FBXL17: variants seen among roughly 807,000 people sequenced by gnomAD.
FBXL17 encodes the protein F-box and leucine rich repeat protein 17.
FBXL17 carries 22 observed loss-of-function variants against 66.2 expected under a neutral mutation model. The observed-to-expected ratio is 0.33, with a 90% confidence interval of 0.24 to 0.47. The LOEUF (loss-of-function observed/expected upper bound fraction) is 0.47, where lower values mean the gene tolerates loss of function less well. FBXL17 is among the 20% of genes least tolerant of loss of function. The pLI is 1.00. For missense variants in FBXL17, 878 were observed against 948.2 expected (o/e 0.93, Z 0.97); for synonymous variants, 474 against 400.5 (o/e 1.18, Z -2.19).
At chr5:107,950,833 A>C (rs1009756133) in intron 7 of FBXL17, among the ~76,000 whole-genome samples, 4 of 152,246 alleles carry the variant, frequency 2.6e-5, no homozygotes, top group Middle Eastern at 3.2e-3. Flanking sequence ...GGACGTGATT[A>C]ATGTGTGACA....
chr5:108,270,532 TA>T (rs907789558), intron 4 of FBXL17, among the ~76,000 whole-genome samples: 8 of 149,808 alleles, frequency 5.3e-5, no homozygotes, highest in African/African-American at 1.9e-4. Flanking sequence ...ACTCTTAGGT[TA>T]ATAAAAAAAA....
At chr5:108,091,183 A>G (rs1749174978) in intron 6 of FBXL17, among the ~76,000 whole-genome samples, 1 of 152,246 alleles carries the variant, frequency 6.6e-6, no homozygotes, top group Non-Finnish European at 1.5e-5. Context: ...CAGCCTGAAC[A>G]AAATACAGAA....
chr5:108,036,717 C>T (rs1456962062), intron 6 of FBXL17, among the ~76,000 whole-genome samples: 3 of 152,146 alleles, frequency 2.0e-5, no homozygotes, highest in Non-Finnish European at 4.4e-5. Context: ...ATCACATAGC[C>T]ACTGGCAGCA....
At chr5:108,255,641 A>G (rs1399255070) in intron 4 of FBXL17, among the ~76,000 whole-genome samples, 4 of 152,120 alleles carry the variant, frequency 2.6e-5, no homozygotes, top group African/African-American at 9.7e-5. Flanking sequence ...CCATGACATG[A>G]TCTAGTTTCA....
At chr5:108,027,414 C>A (rs1754865565) in intron 6 of FBXL17, among the ~76,000 whole-genome samples, 1 of 152,142 alleles carries the variant, frequency 6.6e-6, no homozygotes, top group African/African-American at 2.4e-5. Flanking sequence ...CCATCCATTA[C>A]CATAACTAAC....
chr5:107,887,385 C>A (rs11958297), intron 7 of FBXL17, among the ~76,000 whole-genome samples: 1 of 152,198 alleles, frequency 6.6e-6, no homozygotes, highest in African/African-American at 2.4e-5. Context: ...GTCATACAAG[C>A]GCATTAACAA....
intron 6 of FBXL17, among the ~76,000 whole-genome samples, chr5:108,154,671 GTGTATA>G (rs1751920815): frequency 1.4e-5 from 2 of 137,982 alleles, no homozygotes; most frequent in Non-Finnish European, 3.1e-5. Context: ...ACATATATAT[GTGTATA>G]TATATACACA....
At chr5:108,166,542 A>G (rs1328873844) in intron 6 of FBXL17, among the ~76,000 whole-genome samples, 3 of 152,254 alleles carry the variant, frequency 2.0e-5, no homozygotes, top group East Asian at 1.9e-4. Flanking sequence ...TGTTAGTTGT[A>G]AGAAGCATTT....
At chr5:108,019,895 C>T (rs1293449915) in intron 7 of FBXL17, among the ~76,000 whole-genome samples, 3 of 151,542 alleles carry the variant, frequency 2.0e-5, no homozygotes, top group African/African-American at 4.8e-5. Flanking sequence ...GACATATTCT[C>T]CAAGATAAAC....
At chr5:108,065,452 T>C (rs1349925836) in intron 6 of FBXL17, among the ~76,000 whole-genome samples, 7 of 152,342 alleles carry the variant, frequency 4.6e-5, no homozygotes, top group African/African-American at 1.4e-4. Context: ...ATTTTATCAG[T>C]GGTAAAAACT....
chr5:108,164,620 T>C (rs1483749673), intron 6 of FBXL17, among the ~76,000 whole-genome samples: 1 of 152,152 alleles, frequency 6.6e-6, no homozygotes, highest in Admixed American at 6.5e-5. Flanking sequence ...ATTATCATTA[T>C]TATAACTGAT....
intron 7 of FBXL17, among the ~76,000 whole-genome samples, chr5:107,964,842 C>A (rs1752058355): frequency 6.6e-6 from 1 of 152,120 alleles, no homozygotes. Flanking sequence ...AAGTACCTTA[C>A]AATCCAATTA....
At chr5:108,079,161 T>C (rs1748668721) in intron 6 of FBXL17, among the ~76,000 whole-genome samples, 1 of 151,786 alleles carries the variant, frequency 6.6e-6, no homozygotes, top group African/African-American at 2.4e-5. Flanking sequence ...TCTTTCTTTT[T>C]TTTTTTTTTT....
At chr5:108,104,232 T>A (rs1309592702) in intron 6 of FBXL17, among the ~76,000 whole-genome samples, 1 of 152,188 alleles carries the variant, frequency 6.6e-6, no homozygotes, top group Non-Finnish European at 1.5e-5. Flanking sequence ...AAACAGGGTT[T>A]CACCATGTTG....
chr5:108,319,232 TGA>T (rs1580808569), intron 4 of FBXL17, among the ~76,000 whole-genome samples: 2 of 151,968 alleles, frequency 1.3e-5, no homozygotes. Flanking sequence ...AAAATTAACA[TGA>T]GAGAAAAGCA....
intron 6 of FBXL17, among the ~76,000 whole-genome samples, chr5:108,085,654 G>A (rs1462552936): frequency 1.3e-5 from 2 of 152,158 alleles, no homozygotes; most frequent in Non-Finnish European, 2.9e-5. Flanking sequence ...GAACACTGGG[G>A]CTAGGTGTGG....
intron 1 of FBXL17, among the ~76,000 whole-genome samples, chr5:108,378,371 G>A (rs1372780267): frequency 1.3e-5 from 2 of 151,846 alleles, no homozygotes; most frequent in Non-Finnish European, 2.9e-5. Flanking sequence ...TACAGCTATA[G>A]TAACTTCCTA....
chr5:108,298,822 A>G (rs762999581), intron 4 of FBXL17: 18 of 886,942 alleles, frequency 2.0e-5, no homozygotes, highest in Non-Finnish European at 2.4e-5. Flanking sequence ...AAAATAAAAC[A>G]AAAAATAAAA....
chr5:108,263,347 T>C (rs1370932112), intron 4 of FBXL17, among the ~76,000 whole-genome samples: 1 of 152,160 alleles, frequency 6.6e-6, no homozygotes, highest in Non-Finnish European at 1.5e-5. Flanking sequence ...TATTTTTAGA[T>C]GATATAAATA....
Sources: allele counts gnomAD v4.1 joint callset (sites outside exome capture counted in the v4.1 genomes callset), GRCh38; gene constraint gnomAD v4.1.1; transcripts MANE v1.5; gene names NCBI Gene and HGNC (gene_info 2026-07-23, HGNC 2026-07-21).